The following ABCA12 variants were observed in gnomAD, a reference collection of about 807,000 sequenced individuals.
ABCA12 encodes the protein ATP binding cassette subfamily A member 12.
In ABCA12, 156 loss-of-function variants were observed where a neutral mutation model predicts 293.5. That is an observed-to-expected ratio of 0.53 (90% confidence interval 0.47 to 0.61). The LOEUF is 0.61. ABCA12 is among the 20% of genes least tolerant of loss of function. The pLI is 0.00. For missense variants in ABCA12, 2,797 were observed against 3,090.2 expected (o/e 0.91, Z 2.25); for synonymous variants, 1,063 against 1,108.0 (o/e 0.96, Z 0.81).
At chr2:214,971,801 T>C (rs115754211) in intron 36 of ABCA12, among the ~76,000 whole-genome samples, 2,845 of 152,328 alleles carry the variant, frequency 0.019, 106 homozygotes, top group African/African-American at 0.064. Flanking sequence ...CCCACAGATA[T>C]GCAAATTTTT....
chr2:214,999,893 A>G (rs1047093489), intron 22 of ABCA12: 10 of 928,640 alleles, frequency 1.1e-5, no homozygotes, highest in African/African-American at 3.6e-5. Flanking sequence ...AAAAAAGAAG[A>G]GAAAAGAAAA....
In ABCA12 at chr2:215,134,620, G is replaced by GAGAGAGAGAGAGAGAGAGAGACAAAC. The variant is rs1575066613; in HGVS notation, c.69+3494_69+3519dup. Among the ~76,000 whole-genome samples the GAGAGAGAGAGAGAGAGAGAGACAAAC allele has an allele frequency of 9.6e-4, 90 of 93,398 alleles. 2 individuals are homozygous for GAGAGAGAGAGAGAGAGAGAGACAAAC. Among genetic ancestry groups the GAGAGAGAGAGAGAGAGAGAGACAAAC allele is most frequent in the South Asian group, 3.0e-3 (9 of 2,976 alleles). 61.3% of individuals were successfully genotyped at this position (93,398 alleles called of 152,430 possible). ...CTCTCTATATATATATATATATAGAGAGAGAGAGAGAGAGAGAGAGACAAA... is the reference window on the plus strand; with the variant it reads ...CTCTCTATATATATATATATATAGAGAGAGAGAGAGAGAGAGAGAGACAAACAGAGAGAGAGAGAGAGAGAGACAAA... On this transcript the variant is annotated intron_variant, in intron 1 of 52. Transcript: ENST00000272895.
At chr2:215,087,507 T>TGTGTGC in intron 2 of ABCA12, among the ~76,000 whole-genome samples, 1 of 151,540 alleles carries the variant, frequency 6.6e-6, no homozygotes, top group East Asian at 1.9e-4. Context: ...TGTGTGTGTG[T>TGTGTGC]GCATGTGTGT....
At chr2:215,116,600 A>T (rs1256904808) in intron 1 of ABCA12, among the ~76,000 whole-genome samples, 1 of 152,160 alleles carries the variant, frequency 6.6e-6, no homozygotes, top group Non-Finnish European at 1.5e-5. Context: ...TAAATAAACT[A>T]GGAATCCATG....
intron 11 of ABCA12, among the ~76,000 whole-genome samples, chr2:215,024,858 A>T (rs1455913412): frequency 1.3e-5 from 2 of 152,194 alleles, no homozygotes; most frequent in Non-Finnish European, 2.9e-5. Flanking sequence ...ATTTCATGAT[A>T]ACCTGTATAC....
chr2:214,942,052 G>A (rs1236162284), intron 50 of ABCA12, among the ~76,000 whole-genome samples: 1 of 152,106 alleles, frequency 6.6e-6, no homozygotes, highest in Non-Finnish European at 1.5e-5. Flanking sequence ...TCTTCATAGT[G>A]TTGATGGTCT....
intron 22 of ABCA12, chr2:214,999,870 C>A: frequency 1.0e-6 from 1 of 974,192 alleles, no homozygotes; most frequent in South Asian, 4.7e-5. Flanking sequence ...GAGACAGAAG[C>A]ATTGAAAGAA....
intron 15 of ABCA12, among the ~76,000 whole-genome samples, chr2:215,014,367 T>A (rs1319269286): frequency 6.7e-6 from 1 of 148,864 alleles, no homozygotes; most frequent in Non-Finnish European, 1.5e-5. Flanking sequence ...AAAAAAAAAA[T>A]AGCCTTGCAA....
chr2:215,113,157 C>G (rs983393531), intron 1 of ABCA12, among the ~76,000 whole-genome samples: 35 of 152,132 alleles, frequency 2.3e-4, no homozygotes, highest in African/African-American at 8.4e-4. Flanking sequence ...AATCCAAACC[C>G]CATGAATTAC....
chr2:214,991,365 C>A (rs578110638), intron 23 of ABCA12, among the ~76,000 whole-genome samples: 1 of 152,084 alleles, frequency 6.6e-6, no homozygotes, highest in African/African-American at 2.4e-5. Flanking sequence ...TATGGTATCC[C>A]CTGTAGAATT....
At chr2:215,134,250 A>ATGTATATATGTACATATATACGTATATG (rs1703125750) in intron 1 of ABCA12, among the ~76,000 whole-genome samples, 7 of 149,262 alleles carry the variant, frequency 4.7e-5, no homozygotes, top group East Asian at 2.0e-4. Context: ...ATGTGTATAT[A>ATGTATATATGTACATATATACGTATATG]TGTATATATG....
chr2:215,028,537 C>A (rs1166674343), intron 9 of ABCA12, among the ~76,000 whole-genome samples: 2 of 152,138 alleles, frequency 1.3e-5, no homozygotes, highest in Non-Finnish European at 2.9e-5. Flanking sequence ...AGACAGTGAG[C>A]TTCATTATTT....
chr2:214,934,839 T>G (rs986863293), intron 51 of ABCA12, among the ~76,000 whole-genome samples: 5 of 152,156 alleles, frequency 3.3e-5, no homozygotes, highest in African/African-American at 1.2e-4. Context: ...TCTTATTTAT[T>G]TTTCCTCTAA....
chr2:215,013,306 G>C (rs1338180920), intron 15 of ABCA12: 1 of 152,248 alleles, frequency 6.6e-6, no homozygotes, highest in African/African-American at 2.4e-5. Flanking sequence ...GGAAGAACAA[G>C]AAGAGGAAGG....
At chr2:214,992,622 G>A (rs1469340869) in intron 23 of ABCA12, among the ~76,000 whole-genome samples, 2 of 148,892 alleles carry the variant, frequency 1.3e-5, no homozygotes, top group Admixed American at 1.3e-4. Context: ...AGCTGTTTGG[G>A]AGTCTGAGGC....
chr2:215,017,171 G>C lies in ABCA12; in HGVS notation c.1782+837C>G, dbSNP rs1316177418. On this transcript the variant is annotated intron_variant, in intron 14 of 52. Coordinates refer to ENST00000272895, the MANE Select transcript of ABCA12 (RefSeq NM_173076.3). ...TAAGGGGAACCTTAAAGGCTTTTTA[G>C]AAACTATCCAATATTGGAAAATAAC... Among the ~76,000 whole-genome samples, 5 of 152,166 alleles carry C rather than the reference G, an allele frequency of 3.3e-5. No homozygotes were observed. In the South Asian group the frequency reaches 1.0e-3, roughly 31 times the overall value.
chr2:214,990,014 A>G (rs1160897746), intron 24 of ABCA12, among the ~76,000 whole-genome samples: 1 of 152,244 alleles, frequency 6.6e-6, no homozygotes, highest in African/African-American at 2.4e-5. Context: ...TAATAGAAGT[A>G]CTATGAATAA....
At chr2:215,071,235 TAAAATAAAA>T (rs1159167235) in intron 2 of ABCA12, among the ~76,000 whole-genome samples, 1 of 138,166 alleles carries the variant, frequency 7.2e-6, no homozygotes, top group East Asian at 2.0e-4. Context: ...TAAAATAAAA[TAAAATAAAA>T]TAAAATAAAA....
rs1352907047 is a variant in ABCA12 at position 215,028,101 on chromosome 2, G to T, written c.1062-1163C>A. Among the ~76,000 whole-genome samples, 7 of 152,192 alleles carry T rather than the reference G, an allele frequency of 4.6e-5. No homozygotes were observed. The South Asian group carries it at 8.3e-4, about 18-fold the overall frequency. ...AAAGATAGAATAAATGTCAATGGCT[G>T]ATTTGGGGATCATCTGTTTTGAATC... On this transcript the variant is annotated intron_variant, in intron 9 of 52. Coordinates refer to ENST00000272895, the MANE Select transcript of ABCA12 (RefSeq NM_173076.3).
Sources: allele counts gnomAD v4.1 joint callset (sites outside exome capture counted in the v4.1 genomes callset), GRCh38; gene constraint gnomAD v4.1.1; transcripts MANE v1.5; gene names NCBI Gene and HGNC (gene_info 2026-07-23, HGNC 2026-07-21).